The following PEX13 variants were observed in gnomAD, a reference collection of about 807,000 sequenced individuals.
PEX13 encodes the protein peroxisomal biogenesis factor 13, also known as peroxisome biogenesis factor 13.
PEX13 carries 28 observed loss-of-function variants against 34.5 expected under a neutral mutation model. The observed-to-expected ratio is 0.81, with a 90% CI of 0.60 to 1.11. PEX13 has a LOEUF of 1.11. PEX13 is among the 50% of genes most tolerant of loss of function. The pLI is 0.00. For synonymous variants in PEX13, 177 were observed against 175.1 expected (o/e 1.01, Z -0.09); for missense variants, 550 against 491.0 (o/e 1.12, Z -1.13).
chr2:61,023,431 AT>A (rs1045838146), intron 1 of PEX13, among the ~76,000 whole-genome samples: 197 of 147,974 alleles, frequency 1.3e-3, no homozygotes, highest in African/African-American at 4.7e-3. Flanking sequence ...ACACACACAT[AT>A]TTTTTTTTTC....
chr2:61,043,470 A>G (rs935773566), intron 2 of PEX13, among the ~76,000 whole-genome samples: 3 of 152,210 alleles, frequency 2.0e-5, no homozygotes, highest in Non-Finnish European at 4.4e-5. Flanking sequence ...ACAGACAAGA[A>G]CATTTTCAAA....
At chr2:61,032,505 T>C (rs1163137029) in intron 2 of PEX13, among the ~76,000 whole-genome samples, 1 of 152,230 alleles carries the variant, frequency 6.6e-6, no homozygotes, top group Non-Finnish European at 1.5e-5. Context: ...TTTTTTAATA[T>C]GCAAGACACT....
In PEX13 at chr2:61,032,090, C is replaced by G; in HGVS notation, c.764C>G (p.Ser255Cys). ...CCTTACCTCATTTGGAAACTATTGT[C>G]TACTCACAGTGATGAAGTAACAGGT... ...GGPYLIWKLL[S>C]THSDEVTDSI... The change falls in exon 2 of 4, where the codon TCT becomes TGT. Residue 255 changes from serine to cysteine, a missense_variant. Physicochemically the swap from Ser to Cys is moderately radical, Grantham distance 112 (BLOSUM62 -1). Transcript: ENST00000295030. 4 of 1,613,046 alleles carry G rather than the reference C, an allele frequency of 2.5e-6. No individual in the cohort carries two copies. Among genetic ancestry groups the G allele is most frequent in the Non-Finnish European group, 3.4e-6 (4 of 1,179,138 alleles).
intron 2 of PEX13, among the ~76,000 whole-genome samples, chr2:61,039,943 A>G (rs1001972593): frequency 6.6e-6 from 1 of 152,270 alleles, no homozygotes; most frequent in African/African-American, 2.4e-5. Context: ...ATGAACAGAT[A>G]CTTCTCAAAA....
chr2:61,032,477 CAT>C (rs1209298647), intron 2 of PEX13, among the ~76,000 whole-genome samples: 4 of 152,172 alleles, frequency 2.6e-5, no homozygotes, highest in East Asian at 1.9e-4. Flanking sequence ...TGGGGAGAGA[CAT>C]AAGGTTTCTT....
chr2:61,036,242 C>T (rs922486352), intron 2 of PEX13, among the ~76,000 whole-genome samples: 2 of 152,144 alleles, frequency 1.3e-5, no homozygotes, highest in African/African-American at 2.4e-5. Context: ...CCCTAACTAG[C>T]AAGGCAGGCC....
intron 2 of PEX13, among the ~76,000 whole-genome samples, chr2:61,035,294 A>G (rs1221088686): frequency 2.6e-5 from 4 of 152,234 alleles, no homozygotes; most frequent in African/African-American, 9.6e-5. Flanking sequence ...CAAAAAGGAC[A>G]TCCACACCAA....
intron 1 of PEX13, among the ~76,000 whole-genome samples, chr2:61,025,741 A>G (rs1680343495): frequency 6.6e-6 from 1 of 152,174 alleles, no homozygotes; most frequent in Non-Finnish European, 1.5e-5. Flanking sequence ...ATCTTTCTCT[A>G]AAGACTTTTC....
At chr2:61,018,501 A>C (rs1335550224) in intron 1 of PEX13, 5 of 520,726 alleles carry the variant, frequency 9.6e-6, no homozygotes, top group African/African-American at 1.9e-5. Flanking sequence ...AATCAGTATC[A>C]GTTGGTTTCT....
rs531641297 is a variant in PEX13 at position 61,026,758 on chromosome 2, T to C, written c.93-4661T>C. The stretch of plus-strand genomic sequence containing the variant: ...ATTTCATTTCTCTCTCTGATAATTT[T>C]TAACATATCTAAAATCATTCCTGAG... On this transcript the variant is annotated intron_variant, in intron 1 of 3. Coordinates refer to ENST00000295030, the MANE Select transcript of PEX13 (RefSeq NM_002618.4). Among the ~76,000 whole-genome samples the C allele has an allele frequency of 9.5e-4, 145 of 152,376 alleles. No individual in the cohort carries two copies. In the Middle Eastern group the frequency reaches 0.01, roughly 11 times the overall value.
intron 1 of PEX13, among the ~76,000 whole-genome samples, chr2:61,027,242 G>T (rs1680373317): frequency 6.6e-6 from 1 of 151,692 alleles, no homozygotes; most frequent in South Asian, 2.1e-4. Context: ...GGAAGCTGAG[G>T]TGGGAGGGAT....
chr2:61,027,101 T>C (rs1490143192), intron 1 of PEX13, among the ~76,000 whole-genome samples: 1 of 151,412 alleles, frequency 6.6e-6, no homozygotes, highest in South Asian at 2.1e-4. Flanking sequence ...GGCAGGAGGA[T>C]TGCTTGAGCC....
At chr2:61,040,814 A>G (rs1311515476) in intron 2 of PEX13, among the ~76,000 whole-genome samples, 1 of 147,964 alleles carries the variant, frequency 6.8e-6, no homozygotes, top group Non-Finnish European at 1.5e-5. Context: ...GTATATATGT[A>G]TATATATAAT....
At chr2:61,018,525 G>A (rs1163501530) in intron 1 of PEX13, 3 of 374,672 alleles carry the variant, frequency 8.0e-6, no homozygotes, top group African/African-American at 2.1e-5. Flanking sequence ...ACTTTAAAAA[G>A]GCTAAAACAT....
Position 61,048,876 on chromosome 2 carries a change from C to T in PEX13, c.*106C>T, listed in dbSNP as rs1037922815. 3.6e-5 allele frequency: 35 copies of T among 959,672 alleles called. No individual in the cohort carries two copies. Among genetic ancestry groups the T allele is most frequent in the Non-Finnish European group, 5.2e-5 (32 of 619,218 alleles). The allele number at this position is 959,672 out of a possible 1,614,324, so 59.4% of individuals were successfully genotyped here. ...ATCCAATGAAAACATTTGTTATTGGCTATTTCAGGTGTTTTGCTGCTAGAA... is the reference window on the plus strand; with the variant it reads ...ATCCAATGAAAACATTTGTTATTGGTTATTTCAGGTGTTTTGCTGCTAGAA... On this transcript the variant is annotated 3_prime_UTR_variant, in exon 4 of 4. Coordinates refer to ENST00000295030, the MANE Select transcript of PEX13 (RefSeq NM_002618.4).
At chr2:61,022,212 C>T (rs1279953696) in intron 1 of PEX13, among the ~76,000 whole-genome samples, 3 of 152,218 alleles carry the variant, frequency 2.0e-5, no homozygotes, top group Middle Eastern at 3.4e-3. Context: ...TTCAGAAGGT[C>T]GGCAATAACA....
chr2:61,024,511 A>G (rs757272804), intron 1 of PEX13, among the ~76,000 whole-genome samples: 1 of 152,136 alleles, frequency 6.6e-6, no homozygotes, highest in Non-Finnish European at 1.5e-5. Flanking sequence ...CTAATCTGGT[A>G]TTAAACCAGT....
rs778504607 is a variant in PEX13 at position 61,031,462 on chromosome 2, C to G, written c.136C>G (p.Pro46Ala). 6.2e-7 allele frequency: 1 copy of G among 1,614,040 alleles called. No homozygotes were observed. Among genetic ancestry groups the G allele is most frequent in the East Asian group, 2.2e-5 (1 of 44,898 alleles). Reference protein sequence around the residue: ...GPTLMTRPGQPALTRVPPPIL... With the variant: ...GPTLMTRPGQAALTRVPPPIL... ...TACTTTAATGACAAGACCTGGACAA[C>G]CAGCACTTACCAGAGTGCCCCCACC... Residue 46 changes from proline (P) to alanine (A), a missense_variant, in exon 2 of 4, where the codon CCA (proline) becomes GCA (alanine). Transcript: ENST00000295030.
Position 61,048,940 on chromosome 2 carries a change from C to G in PEX13, c.*170C>G, listed in dbSNP as rs77041272. 1.1e-4 allele frequency: 67 copies of G among 625,520 alleles called. No individual in the cohort carries two copies. In the East Asian group the frequency reaches 1.7e-3, roughly 16 times the overall value. 38.7% of individuals were successfully genotyped at this position (625,520 alleles called of 1,614,324 possible). A position where few individuals can be genotyped will look rare whatever the true frequency, so the allele number is the denominator to read the frequency against. On this transcript the variant is annotated 3_prime_UTR_variant, in exon 4 of 4. Transcript: ENST00000295030. ...CACACTAGTATGTTGGTCTGGTGACCTGGTTACATTTTATTATACACATTA... is the reference window on the plus strand; with the variant it reads ...CACACTAGTATGTTGGTCTGGTGACGTGGTTACATTTTATTATACACATTA...
Sources: gnomAD v4.1 joint callset for allele counts (sites outside exome capture counted in the v4.1 genomes callset) on GRCh38, gnomAD v4.1.1 for gene constraint, MANE v1.5 for transcripts, NCBI Gene and HGNC (gene_info 2026-07-23, HGNC 2026-07-21) for gene names.